FHIT: variants seen among roughly 807,000 people sequenced by gnomAD.
The protein encoded by FHIT is bis(5'-adenosyl)-triphosphatase.
Under a neutral mutation model 17.9 loss-of-function variants are expected in FHIT, and 19 were observed. The observed-to-expected ratio is 1.06, with a 90% confidence interval of 0.74 to 1.56. The LOEUF is 1.56. Among genes scored for constraint, FHIT ranks in the 40% most tolerant of loss-of-function variants. The pLI is 0.00. For synonymous variants in FHIT, 81 were observed against 69.7 expected (o/e 1.16, Z -0.81); for missense variants, 248 against 189.2 (o/e 1.31, Z -1.82).
At position 60,735,056 on chromosome 3, in the gene FHIT, C is replaced by T. The variant is rs544946154; in HGVS notation, c.-18+86863G>A. ...GCCAATTACCTTTAACTATAAGAAACCTTATTTGCATTTATTAAAACAAAT... is the reference window on the plus strand; with the variant it reads ...GCCAATTACCTTTAACTATAAGAAATCTTATTTGCATTTATTAAAACAAAT... On this transcript the variant is annotated intron_variant, in intron 4 of 9. Coordinates refer to ENST00000492590, the MANE Select transcript of FHIT (RefSeq NM_002012.4). Among the ~76,000 whole-genome samples the T allele has an allele frequency of 9.2e-5, 14 of 152,178 alleles. No homozygotes were observed. In the South Asian group the frequency reaches 1.0e-3, roughly 11 times the overall value.
At chr3:60,004,580 G>A (rs772602583) in intron 7 of FHIT, among the ~76,000 whole-genome samples, 12 of 152,088 alleles carry the variant, frequency 7.9e-5, no homozygotes, top group Non-Finnish European at 1.3e-4. Context: ...TGGTAAGGGT[G>A]ACAAAATATT....
chr3:60,075,090 AG>A (rs1702945397), intron 5 of FHIT, among the ~76,000 whole-genome samples: 1 of 152,244 alleles, frequency 6.6e-6, no homozygotes, highest in South Asian at 2.1e-4. Context: ...AACCTTAATA[AG>A]ATTTGGAACC....
intron 7 of FHIT, among the ~76,000 whole-genome samples, chr3:59,982,884 T>C (rs553781401): frequency 6.0e-4 from 91 of 152,280 alleles, no homozygotes; most frequent in African/African-American, 2.0e-3. Context: ...AAGTTTTCTA[T>C]TTGTAAATTA....
At chr3:60,166,578 C>T (rs1364627455) in intron 5 of FHIT, among the ~76,000 whole-genome samples, 1 of 152,132 alleles carries the variant, frequency 6.6e-6, no homozygotes, top group Non-Finnish European at 1.5e-5. Context: ...TGAAGGAATT[C>T]AGGCTTAAGG....
intron 8 of FHIT, among the ~76,000 whole-genome samples, chr3:59,891,366 T>C (rs909480933): frequency 1.3e-5 from 2 of 152,050 alleles, no homozygotes; most frequent in Non-Finnish European, 2.9e-5. Context: ...AAAAGGAAGA[T>C]TGGTAAAGAC....
chr3:60,916,560 T>C (rs1707014751), intron 3 of FHIT, among the ~76,000 whole-genome samples: 1 of 152,192 alleles, frequency 6.6e-6, no homozygotes, highest in Non-Finnish European at 1.5e-5. Flanking sequence ...ACCCACTGCA[T>C]CACCATCCTC....
chr3:61,081,187 A>T (rs535675008), intron 2 of FHIT, among the ~76,000 whole-genome samples: 22 of 152,290 alleles, frequency 1.4e-4, no homozygotes, highest in Admixed American at 3.9e-4. Flanking sequence ...AGCATAATAA[A>T]ATAGAGAGGC....
chr3:60,270,976 T>C (rs1043152444), intron 5 of FHIT, among the ~76,000 whole-genome samples: 2 of 152,146 alleles, frequency 1.3e-5, no homozygotes, highest in African/African-American at 4.8e-5. Flanking sequence ...AAATCAGTAA[T>C]AGAGGACTTA....
rs75490234 is a variant in FHIT, at chr3:60,868,831, T to C, written c.-110-46820A>G. Among the ~76,000 whole-genome samples, 167 of 152,216 alleles carry C rather than the reference T, an allele frequency of 1.1e-3. No individual in the cohort carries two copies. The East Asian group carries it at 0.024, about 22-fold the overall frequency. On this transcript the variant is annotated intron_variant, in intron 3 of 9. Transcript: ENST00000492590. The stretch of plus-strand genomic sequence containing the variant: ...TCAGGACATGCATGAAAATATCAAG[T>C]AACAACTCAAAGGCCCATTTCAGCT...
At chr3:60,119,621 C>T (rs983059228) in intron 5 of FHIT, among the ~76,000 whole-genome samples, 2 of 152,048 alleles carry the variant, frequency 1.3e-5, no homozygotes, top group African/African-American at 2.4e-5. Context: ...GTCATCGTGT[C>T]GGGTAAGGAA....
At chr3:60,425,664 T>G (rs1443731804) in intron 5 of FHIT, among the ~76,000 whole-genome samples, 1 of 152,136 alleles carries the variant, frequency 6.6e-6, no homozygotes, top group African/African-American at 2.4e-5. Flanking sequence ...TGAAAAATTT[T>G]ATAAAGCAAG....
chr3:61,123,358 G>A (rs1332986213), intron 2 of FHIT, among the ~76,000 whole-genome samples: 1 of 152,046 alleles, frequency 6.6e-6, no homozygotes, highest in Non-Finnish European at 1.5e-5. Flanking sequence ...TCAGTGGCTG[G>A]GGCGCTAGGG....
intron 8 of FHIT, among the ~76,000 whole-genome samples, chr3:59,881,745 G>C (rs1703418886): frequency 6.6e-6 from 1 of 152,136 alleles, no homozygotes; most frequent in Admixed American, 6.5e-5. Context: ...CATTAGGATA[G>C]AATATTAGAG....
At chr3:60,313,028 A>C (rs936808327) in intron 5 of FHIT, among the ~76,000 whole-genome samples, 1 of 152,162 alleles carries the variant, frequency 6.6e-6, no homozygotes, top group African/African-American at 2.4e-5. Context: ...ACAGATGAAG[A>C]AACAGACCCA....
chr3:60,147,913 G>A (rs1441344161), intron 5 of FHIT, among the ~76,000 whole-genome samples: 1 of 152,144 alleles, frequency 6.6e-6, no homozygotes. Context: ...CCACTATTAG[G>A]ACAGTGGAAA....
intron 5 of FHIT, among the ~76,000 whole-genome samples, chr3:60,520,529 G>T (rs1395345457): frequency 1.3e-5 from 2 of 152,128 alleles, no homozygotes; most frequent in African/African-American, 4.8e-5. Flanking sequence ...GAGCATGTCA[G>T]TCCTAGTCCA....
At chr3:59,760,139 A>ATAAC (rs1701432868) in intron 8 of FHIT, among the ~76,000 whole-genome samples, 1 of 152,220 alleles carries the variant, frequency 6.6e-6, no homozygotes, top group Admixed American at 6.5e-5. Context: ...TGACTTAAGC[A>ATAAC]TAACTTACTT....
chr3:60,363,756 C>T (rs147690392), intron 5 of FHIT, among the ~76,000 whole-genome samples: 1 of 152,104 alleles, frequency 6.6e-6, no homozygotes, highest in East Asian at 1.9e-4. Flanking sequence ...CTTCCCTGGC[C>T]CCCCTGGCCC....
At chr3:60,168,183 C>T (rs2107391369) in intron 5 of FHIT, among the ~76,000 whole-genome samples, 1 of 152,278 alleles carries the variant, frequency 6.6e-6, no homozygotes, top group Admixed American at 6.5e-5. Context: ...GCAATAAACA[C>T]TTGAAAGAAT....
Sources: gnomAD v4.1 joint callset for allele counts (sites outside exome capture counted in the v4.1 genomes callset) on GRCh38, gnomAD v4.1.1 for gene constraint, MANE v1.5 for transcripts, NCBI Gene and HGNC (gene_info 2026-07-23, HGNC 2026-07-21) for gene names.